Variants in CGGBP1 observed in about 807,000 individuals in gnomAD.
CGGBP1 encodes CGG triplet repeat-binding protein 1.
In CGGBP1, 4 loss-of-function variants were observed where a neutral mutation model predicts 11.4. The ratio of observed to expected loss-of-function variants is 0.35; its 90% confidence interval spans 0.17 to 0.80. The LOEUF (loss-of-function observed/expected upper bound fraction) is 0.80, where lower values mean the gene tolerates loss of function less well. CGGBP1 is among the 30% of genes least tolerant of loss of function. CGGBP1 has a pLI of 0.52. For synonymous variants in CGGBP1, 76 were observed against 74.1 expected, an observed-to-expected ratio of 1.03 and a Z score of -0.13; for missense variants, 135 against 202.1, an observed-to-expected ratio of 0.67 and a Z score of 2.01.
chr3:88,142,697 T>C (rs1576362741), intron 1 of CGGBP1: 1 of 152,312 alleles, frequency 6.6e-6, no homozygotes, highest in African/African-American at 2.4e-5. Context: ...GGAGAGGTAA[T>C]TCCAAAATAA....
intron 2 of CGGBP1, among the ~76,000 whole-genome samples, chr3:88,087,962 C>T (rs971679230): frequency 1.3e-5 from 2 of 152,166 alleles, no homozygotes; most frequent in African/African-American, 4.8e-5. Context: ...TGGAACGTTA[C>T]AGATTTCAGA....
At chr3:88,119,822 G>A (rs1002064289) in intron 2 of CGGBP1, among the ~76,000 whole-genome samples, 10 of 152,054 alleles carry the variant, frequency 6.6e-5, no homozygotes, top group Admixed American at 4.6e-4. Context: ...GCTAATGATA[G>A]GGTTGTACTT....
chr3:88,080,986 C>T (rs73146095), intron 2 of CGGBP1, among the ~76,000 whole-genome samples: 10,293 of 152,186 alleles, frequency 0.068, 478 homozygotes, highest in Non-Finnish European at 0.1. Context: ...CGTGATCTCA[C>T]GTTGTATTTA....
intron 2 of CGGBP1, among the ~76,000 whole-genome samples, chr3:88,135,995 T>C (rs1052334376): frequency 2.0e-5 from 3 of 152,120 alleles, no homozygotes; most frequent in Admixed American, 2.0e-4. Flanking sequence ...TGTATGATCA[T>C]GTAGTGATCA....
upstream of CGGBP1, among the ~76,000 whole-genome samples, chr3:88,061,113 C>T (rs1025488297): frequency 2.6e-5 from 4 of 151,926 alleles, no homozygotes; most frequent in African/African-American, 7.3e-5. Flanking sequence ...GTAACTATAC[C>T]TTTTACATCT....
At chr3:88,122,672 A>G (rs567033629) in intron 2 of CGGBP1, among the ~76,000 whole-genome samples, 70 of 152,278 alleles carry the variant, frequency 4.6e-4, no homozygotes, top group African/African-American at 1.4e-3. Flanking sequence ...GATTAAGTTG[A>G]TATAGAGGCA....
intron 2 of CGGBP1, among the ~76,000 whole-genome samples, chr3:88,120,525 CAGG>C (rs901153935): frequency 1.3e-5 from 2 of 152,032 alleles, no homozygotes; most frequent in Non-Finnish European, 2.9e-5. Flanking sequence ...AGAAGCAAAT[CAGG>C]AGATGGTGAA....
At chr3:88,146,717 T>C (rs1410992322) in intron 1 of CGGBP1, among the ~76,000 whole-genome samples, 4 of 152,210 alleles carry the variant, frequency 2.6e-5, no homozygotes, top group Admixed American at 2.0e-4. Flanking sequence ...CATTTGTCAC[T>C]ACTATTCCCG....
At chr3:88,129,593 C>CT in intron 2 of CGGBP1, 1 of 1,015,342 alleles carries the variant, frequency 9.8e-7, no homozygotes, top group Non-Finnish European at 1.4e-6. Context: ...AACTAGAAAT[C>CT]TAAGCAATTT....
intron 2 of CGGBP1, among the ~76,000 whole-genome samples, chr3:88,111,055 C>T (rs896395153): frequency 5.3e-5 from 8 of 151,922 alleles, no homozygotes; most frequent in African/African-American, 1.9e-4. Flanking sequence ...GGGTTCATTT[C>T]TGTGTTTTAG....
chr3:88,126,031 A>C (rs1706080034), intron 2 of CGGBP1: 1 of 1,192,056 alleles, frequency 8.4e-7, no homozygotes, highest in Admixed American at 3.0e-5. Context: ...TTATAATTTA[A>C]TAGCTGCCTC....
intron 2 of CGGBP1, among the ~76,000 whole-genome samples, chr3:88,096,917 T>C (rs373715356): frequency 6.6e-6 from 1 of 152,162 alleles, no homozygotes; most frequent in Non-Finnish European, 1.5e-5. Flanking sequence ...ATTATCATTT[T>C]AGACAAATGC....
chr3:88,094,034 T>A (rs1576258936), intron 2 of CGGBP1, among the ~76,000 whole-genome samples: 1 of 152,128 alleles, frequency 6.6e-6, no homozygotes, highest in Non-Finnish European at 1.5e-5. Context: ...GTGAACTTAG[T>A]CATTTGAGAG....
At chr3:88,141,642 C>A in intron 1 of CGGBP1, 1 of 1,507,372 alleles carries the variant, frequency 6.6e-7, no homozygotes, top group Non-Finnish European at 9.0e-7. Context: ...TTCTGTTTTA[C>A]AGGTGCCTGA....
intron 2 of CGGBP1, chr3:88,126,159 A>T: frequency 6.6e-7 from 1 of 1,520,152 alleles, no homozygotes; most frequent in South Asian, 1.2e-5. Context: ...CTCCGCAGAT[A>T]TGGAAATGTG....
chr3:88,127,155 A>G (rs1435285584), intron 2 of CGGBP1, among the ~76,000 whole-genome samples: 1 of 152,192 alleles, frequency 6.6e-6, no homozygotes, highest in African/African-American at 2.4e-5. Context: ...TAGTTATGAG[A>G]CAGCCAAGGG....
At chr3:88,092,084 C>T (rs1703773601) in intron 2 of CGGBP1, among the ~76,000 whole-genome samples, 3 of 152,092 alleles carry the variant, frequency 2.0e-5, no homozygotes, top group Admixed American at 2.0e-4. Context: ...AGAAGGAAAA[C>T]TTTTTGCATT....
At chr3:88,062,103 C>T (rs1164755771), upstream of CGGBP1, among the ~76,000 whole-genome samples, 1 of 152,166 alleles carries the variant, frequency 6.6e-6, no homozygotes, top group African/African-American at 2.4e-5. Flanking sequence ...GGCCCTATCA[C>T]ATCCTCCCTT....
intron 2 of CGGBP1, among the ~76,000 whole-genome samples, chr3:88,097,690 G>A (rs544310266): frequency 2.0e-4 from 30 of 152,172 alleles, no homozygotes; most frequent in South Asian, 6.2e-4. Context: ...ACTCAAAACC[G>A]CTCAACTACA....
Sources: gnomAD v4.1 joint callset for allele counts (sites outside exome capture counted in the v4.1 genomes callset) on GRCh38, gnomAD v4.1.1 for gene constraint, MANE v1.5 for transcripts, NCBI Gene and HGNC (gene_info 2026-07-23, HGNC 2026-07-21) for gene names.